GARNL3: variants seen among roughly 807,000 people sequenced by gnomAD.
GARNL3 encodes GTPase-activating Rap/Ran-GAP domain-like protein 3.
In GARNL3, 63 loss-of-function variants were observed where a neutral mutation model predicts 125.0. The ratio of observed to expected loss-of-function variants is 0.50; its 90% CI spans 0.41 to 0.62. GARNL3 has a LOEUF of 0.62. GARNL3 is among the 20% of genes least tolerant of loss of function. The pLI is 0.00. For synonymous variants in GARNL3, 439 were observed against 457.5 expected (o/e 0.96, Z 0.52); for missense variants, 994 against 1,244.0 (o/e 0.80, Z 3.02).
chr9:127,339,184 C>T (rs1481748512), intron 12 of GARNL3, among the ~76,000 whole-genome samples: 2 of 151,780 alleles, frequency 1.3e-5, no homozygotes, highest in African/African-American at 4.8e-5. Context: ...GTAGTCCCAG[C>T]TACTTGGGAG....
upstream of GARNL3, among the ~76,000 whole-genome samples, chr9:127,263,077 A>G (rs3808841): frequency 0.048 from 7,285 of 152,308 alleles, 457 homozygotes; most frequent in African/African-American, 0.14. Flanking sequence ...GGGGAAGAGA[A>G]GGCAACACAT....
intron 5 of GARNL3, among the ~76,000 whole-genome samples, chr9:127,319,926 A>G (rs564632267): frequency 6.6e-6 from 1 of 152,344 alleles, no homozygotes; most frequent in South Asian, 2.1e-4. Context: ...AAGATATGAC[A>G]AACTACACAT....
intron 16 of GARNL3, among the ~76,000 whole-genome samples, chr9:127,346,413 A>C (rs1327014442): frequency 2.0e-5 from 3 of 152,192 alleles, no homozygotes; most frequent in African/African-American, 7.2e-5. Flanking sequence ...CTCAAAATAT[A>C]ATTAACCCTA....
chr9:127,301,362 A>G (rs559746365), intron 2 of GARNL3, among the ~76,000 whole-genome samples: 2 of 152,208 alleles, frequency 1.3e-5, no homozygotes, highest in South Asian at 4.1e-4. Flanking sequence ...ACAATATGCT[A>G]CTTTGCCCAC....
At chr9:127,350,610 C>T (rs529521762) in intron 17 of GARNL3, among the ~76,000 whole-genome samples, 1 of 151,808 alleles carries the variant, frequency 6.6e-6, no homozygotes, top group Admixed American at 6.6e-5. Context: ...CTGTCTCTAA[C>T]TAAAAAAATA....
intron 2 of GARNL3, among the ~76,000 whole-genome samples, chr9:127,293,829 T>G (rs574793450): frequency 1.3e-5 from 2 of 152,248 alleles, no homozygotes; most frequent in African/African-American, 4.8e-5. Flanking sequence ...GGAGGACTTA[T>G]GTTTGCTTTT....
chr9:127,342,679 G>A, intron 14 of GARNL3, among the ~76,000 whole-genome samples: 1 of 152,010 alleles, frequency 6.6e-6, no homozygotes, highest in Non-Finnish European at 1.5e-5. Context: ...ACTCAGCATT[G>A]CCAGTCACAT....
rs1832644661 is a variant in GARNL3, at chr9:127,388,117, G to A, written c.2527+786G>A. On this transcript the variant is annotated intron_variant, in intron 25 of 27. Transcript: ENST00000373387. The stretch of plus-strand genomic sequence containing the variant: ...GCCGGGATTGCACCTCTGCACTCCA[G>A]CCTGGGCAACAGAGTGAGAGACCCT... Among the ~76,000 whole-genome samples the A allele has an allele frequency of 3.3e-5, 5 of 152,266 alleles. No homozygotes were observed. In the South Asian group the frequency reaches 1.0e-3, roughly 32 times the overall value.
At chr9:127,316,874 A>G (rs1000101317) in intron 4 of GARNL3, among the ~76,000 whole-genome samples, 11 of 152,258 alleles carry the variant, frequency 7.2e-5, no homozygotes, top group Non-Finnish European at 1.6e-4. Flanking sequence ...GAGCTTGGAC[A>G]GATGAATTGG....
At chr9:127,293,496 T>C (rs1034058858) in intron 2 of GARNL3, among the ~76,000 whole-genome samples, 4 of 152,206 alleles carry the variant, frequency 2.6e-5, no homozygotes, top group Non-Finnish European at 5.9e-5. Flanking sequence ...TTTTCTTTCA[T>C]TGCTGGCACG....
At chr9:127,264,751 T>A, upstream of GARNL3, 1 of 1,272,970 alleles carries the variant, frequency 7.9e-7, no homozygotes, top group South Asian at 3.4e-5. Flanking sequence ...CGTTTGCTTT[T>A]TATTGAGGGC....
chr9:127,273,936 A>T (rs2063888322), intron 1 of GARNL3, among the ~76,000 whole-genome samples: 1 of 152,118 alleles, frequency 6.6e-6, no homozygotes, highest in African/African-American at 2.4e-5. Flanking sequence ...TATAACATGC[A>T]TCCTCATCTT....
At chr9:127,313,268 G>A in intron 3 of GARNL3, 173 bp from the exon 4 acceptor site, 2 of 621,572 alleles carry the variant, frequency 3.2e-6, no homozygotes, top group Non-Finnish European at 5.8e-6. Context: ...CACTAGCAAG[G>A]GGCAGAGGAA....
chr9:127,256,822 G>A (rs1351562091), intron 2 of GARNL3, among the ~76,000 whole-genome samples: 3 of 152,182 alleles, frequency 2.0e-5, no homozygotes, highest in Non-Finnish European at 4.4e-5. Flanking sequence ...GGAAATTGAT[G>A]TTGATACAAT....
intron 11 of GARNL3, among the ~76,000 whole-genome samples, chr9:127,336,718 C>T (rs1829572856): frequency 6.6e-6 from 1 of 152,196 alleles, no homozygotes; most frequent in Non-Finnish European, 1.5e-5. Context: ...TTCCCCTAAT[C>T]CCTGTTCAGC....
chr9:127,296,982 A>C (rs2064618353), intron 2 of GARNL3, among the ~76,000 whole-genome samples: 1 of 151,918 alleles, frequency 6.6e-6, no homozygotes, highest in South Asian at 2.1e-4. Context: ...CACCCTTATC[A>C]CTCAGGAGCT....
chr9:127,349,209 A>G (rs1348450637), intron 17 of GARNL3, among the ~76,000 whole-genome samples, 174 bp downstream of exon 17: 4 of 152,236 alleles, frequency 2.6e-5, no homozygotes, highest in Admixed American at 2.0e-4. Context: ...AGCAGAGGAA[A>G]TATACTCTGA....
At chr9:127,361,373 C>T (rs888090710) in intron 21 of GARNL3, among the ~76,000 whole-genome samples, 5 of 152,032 alleles carry the variant, frequency 3.3e-5, no homozygotes, top group Non-Finnish European at 7.4e-5. Context: ...TACCAAAGCA[C>T]TAGAATTACA....
intron 7 of GARNL3, 108 bp from the exon 8 acceptor site, chr9:127,332,166 T>A: frequency 1.3e-6 from 1 of 743,770 alleles, no homozygotes; most frequent in Non-Finnish European, 2.4e-6. Context: ...ATCCCCTGAC[T>A]GTCCATCCTG....
Sources: allele counts gnomAD v4.1 joint callset (sites outside exome capture counted in the v4.1 genomes callset), GRCh38; gene constraint gnomAD v4.1.1; transcripts MANE v1.5; gene names NCBI Gene and HGNC (gene_info 2026-07-23, HGNC 2026-07-21).